The following TECTA variants were observed in gnomAD, a reference collection of about 807,000 sequenced individuals.
TECTA encodes alpha-tectorin.
Under a neutral mutation model 216.8 loss-of-function variants are expected in TECTA, and 128 were observed. The observed-to-expected ratio is 0.59, with a 90% CI of 0.51 to 0.68. The LOEUF is 0.68. Ranked by LOEUF, TECTA falls within the 30% of genes least tolerant of loss-of-function variation. TECTA has a pLI of 0.00. For missense variants in TECTA, 2,551 were observed against 2,786.2 expected, an observed-to-expected ratio of 0.92 and a Z score of 1.90; for synonymous variants, 1,089 against 1,117.1, an observed-to-expected ratio of 0.97 and a Z score of 0.50.
intron 18 of TECTA, among the ~76,000 whole-genome samples, chr11:121,167,115 G>A (rs1334786462): frequency 6.6e-6 from 1 of 152,164 alleles, no homozygotes; most frequent in Non-Finnish European, 1.5e-5. Context: ...CAGGGGGTAA[G>A]GGAGTCCCGA....
chr11:121,136,262 A>G (rs1165375583), intron 10 of TECTA, among the ~76,000 whole-genome samples: 1 of 152,118 alleles, frequency 6.6e-6, no homozygotes, highest in Non-Finnish European at 1.5e-5. Flanking sequence ...CTTTTTGACC[A>G]AGAGTCTTGA....
chr11:121,185,063 T>G (rs1038491616), intron 20 of TECTA, among the ~76,000 whole-genome samples: 17 of 152,230 alleles, frequency 1.1e-4, no homozygotes, highest in African/African-American at 3.9e-4. Context: ...AAAATGGTAT[T>G]TAATAGACTT....
chr11:121,181,625 A>C (rs773048135), intron 20 of TECTA, among the ~76,000 whole-genome samples: 2 of 152,042 alleles, frequency 1.3e-5, no homozygotes, highest in Non-Finnish European at 2.9e-5. Context: ...ATGTGCCACC[A>C]TGCCCAGCTA....
chr11:121,162,451 A>G, intron 16 of TECTA, 81 bp downstream of exon 16: 1 of 1,484,306 alleles, frequency 6.7e-7, no homozygotes, highest in Non-Finnish European at 9.1e-7. Flanking sequence ...TTTTCTAGGG[A>G]TGACTGGTCC....
At position 121,165,370 on chromosome 11, in the gene TECTA, C is replaced by A. The variant is rs1436587274; in HGVS notation, c.5370C>A (p.Pro1790=). 17 of 1,590,246 alleles carry A rather than the reference C, an allele frequency of 1.1e-5. No homozygotes were observed. The highest frequency in any genetic ancestry group is 1.5e-5 in the Non-Finnish European group (17 of 1,167,740). ...GRELCGCIEP[P]PYGNNSHDII... ...AGCTGTGTGGCTGCATCGAGCCACC[C>A]CCCTATGGAAATAGTGAGTGACATG... Residue 1790 remains proline, a synonymous_variant, in exon 17 of 24, where the codon CCC becomes CCA. Coordinates refer to ENST00000392793, the MANE Select transcript of TECTA (RefSeq NM_005422.4).
Position 121,105,735 on chromosome 11 carries a change from C to A in TECTA, c.65-96C>A. The stretch of plus-strand genomic sequence containing the variant: ...ATGACTTGCATTCAGCTTGCAAGCC[C>A]TACTGAAAGAAGCTGGCTTCAGTAG... On this transcript the variant is annotated intron_variant, in intron 2 of 23. Coordinates refer to ENST00000392793, the MANE Select transcript of TECTA (RefSeq NM_005422.4). The surrounding 1 kb of genome is among the most constrained non-coding windows in gnomAD (Gnocchi z 5.3). The A allele has an allele frequency of 1.3e-6, 2 of 1,527,044 alleles. No homozygotes were observed. The highest frequency in any genetic ancestry group is 1.8e-6 in the Non-Finnish European group (2 of 1,117,516). The allele number at this position is 1,527,044 out of a possible 1,614,324, so 94.6% of individuals were successfully genotyped here.
chr11:121,109,077 T>C (rs760871136), intron 3 of TECTA, 134 bp from the exon 4 acceptor site: 14 of 915,006 alleles, frequency 1.5e-5, no homozygotes, highest in Non-Finnish European at 2.4e-5. Context: ...TGGAACCCGG[T>C]GTTTGGGGGT....
intron 11 of TECTA, among the ~76,000 whole-genome samples, chr11:121,143,311 A>C (rs565180248): frequency 1.3e-5 from 2 of 152,068 alleles, no homozygotes; most frequent in Non-Finnish European, 2.9e-5. Context: ...GTAATTATTC[A>C]TATTTATCAG....
chr11:121,175,139 C>G (rs1310526), intron 20 of TECTA, among the ~76,000 whole-genome samples: 7 of 150,274 alleles, frequency 4.7e-5, no homozygotes, highest in Middle Eastern at 3.4e-3. Flanking sequence ...TTTCAAAAAA[C>G]CAGCTCCTGG....
chr11:121,141,222 T>C (rs1946780928), intron 11 of TECTA, among the ~76,000 whole-genome samples: 1 of 152,208 alleles, frequency 6.6e-6, no homozygotes. Context: ...GCATTTGTTT[T>C]CCCATGATGT....
At chr11:121,103,149 T>C (rs1946362008) in intron 2 of TECTA, among the ~76,000 whole-genome samples, 1 of 152,220 alleles carries the variant, frequency 6.6e-6, no homozygotes, top group Non-Finnish European at 1.5e-5. Context: ...ATAGCATTGA[T>C]GTCAGTGGTT....
Position 121,125,052 on chromosome 11 carries a change from G to A in TECTA, c.1204-250G>A, listed in dbSNP as rs183741639. ...AACCACACAGTCCCCAGAGGAGTCCGTAGTGGCACTCTGTATGCCACAGCA... is the reference window on the plus strand; with the variant it reads ...AACCACACAGTCCCCAGAGGAGTCCATAGTGGCACTCTGTATGCCACAGCA... On this transcript the variant is annotated intron_variant, in intron 7 of 23. Transcript: ENST00000392793. Among the ~76,000 whole-genome samples, 715 of 152,390 alleles carry A rather than the reference G, an allele frequency of 4.7e-3. 5 individuals are homozygous for A. The highest frequency in any genetic ancestry group is 8.1e-3 in the Non-Finnish European group (552 of 68,044).
At chr11:121,181,311 C>G (rs376095455) in intron 20 of TECTA, among the ~76,000 whole-genome samples, 1 of 152,062 alleles carries the variant, frequency 6.6e-6, no homozygotes, top group East Asian at 1.9e-4. Flanking sequence ...TCACTCAGAT[C>G]ATGAATTATT....
chr11:121,161,295 C>T (rs1447851253), intron 15 of TECTA, among the ~76,000 whole-genome samples: 3 of 152,064 alleles, frequency 2.0e-5, no homozygotes, highest in Non-Finnish European at 1.5e-5. Flanking sequence ...CAGTGAATGA[C>T]TTACATGAGG....
chr11:121,112,905 C>T (rs1322969740), intron 4 of TECTA, among the ~76,000 whole-genome samples, 167 bp from the exon 5 acceptor site: 1 of 152,340 alleles, frequency 6.6e-6, no homozygotes, highest in Non-Finnish European at 1.5e-5. Flanking sequence ...CTTTTCCCAA[C>T]GGAGGCGAGA....
chr11:121,104,341 C>T (rs1377594266), intron 2 of TECTA, among the ~76,000 whole-genome samples: 1 of 152,086 alleles, frequency 6.6e-6, no homozygotes. Context: ...CTGGTTGTGA[C>T]ATTAAATACA....
Position 121,125,369 on chromosome 11 carries a change from G to A in TECTA, c.1271G>A (p.Gly424Asp). The change falls in exon 8 of 24, where the codon GGC becomes GAC. Residue 424 changes from glycine to aspartate, a missense_variant. Around this residue, in one of 3 missense-constraint regions of TECTA, gnomAD observed 2,375 missense variants for 2,563.9 expected, o/e 0.93. Transcript: ENST00000392793. ...DLGTVKIYQS[G>D]ISTAVETDFG... ...GGGACAGTGAAAATCTACCAGAGTG[G>A]CATATCTACTGCCGTGGAAACAGAT... 2 of 1,614,154 alleles carry A rather than the reference G, an allele frequency of 1.2e-6. No individual in the cohort carries two copies. The highest frequency in any genetic ancestry group is 1.7e-6 in the Non-Finnish European group (2 of 1,180,036).
intron 7 of TECTA, among the ~76,000 whole-genome samples, chr11:121,119,293 G>A (rs952892447): frequency 6.6e-6 from 1 of 152,064 alleles, no homozygotes; most frequent in Non-Finnish European, 1.5e-5. Flanking sequence ...GATTGGCTTT[G>A]GTGACTTCCT....
chr11:121,157,852 A>G lies in TECTA; in HGVS notation c.4317A>G (p.Leu1439=), dbSNP rs146742726. The G allele has an allele frequency of 1.2e-6, 2 of 1,614,102 alleles. No individual in the cohort carries two copies. Among genetic ancestry groups the G allele is most frequent in the Non-Finnish European group, 1.7e-6 (2 of 1,180,026 alleles). ...CGCCTCTCTTCCAGCCCAAGCAGCT[A>G]TTTTGGAACAGCGACTGCACGCGGC... ...SDGKYYEPKQ[L]FWNSDCTRRC... The change falls in exon 14 of 24, where the codon CTA becomes CTG. Residue 1439 remains leucine (L), a synonymous_variant. Coordinates refer to ENST00000392793, the MANE Select transcript of TECTA (RefSeq NM_005422.4).
Sources: gnomAD v4.1 joint callset for allele counts (sites outside exome capture counted in the v4.1 genomes callset) on GRCh38, gnomAD v4.1.1 for gene constraint, gnomAD v4.1.1 regional missense constraint, Gnocchi (gnomAD v3.1) non-coding constraint, MANE v1.5 for transcripts, NCBI Gene and HGNC (gene_info 2026-07-23, HGNC 2026-07-21) for gene names.